Variants in RAB44 observed in about 807,000 individuals in gnomAD.
The protein encoded by RAB44 is ras-related protein Rab-44.
In RAB44, 67 loss-of-function variants were observed where a neutral mutation model predicts 93.3. The observed-to-expected ratio is 0.72, with a 90% confidence interval of 0.59 to 0.88. The LOEUF (loss-of-function observed/expected upper bound fraction) is 0.88, where lower values mean the gene tolerates loss of function less well. RAB44 is among the 40% of genes least tolerant of loss of function. The pLI is 0.00. For synonymous variants in RAB44, 427 were observed against 520.3 expected (o/e 0.82, Z 2.44); for missense variants, 1,064 against 1,261.7 (o/e 0.84, Z 2.37).
rs1306963107 is a variant in RAB44, at chr6:36,731,791, C to G, written c.2976-212C>G. Reference sequence around the variant, plus strand: ...GTGGCTTCTTTGTCATAGTCAGAGTCCTGCACAGTGCCTGGCACATAGTAG... The same window carrying G: ...GTGGCTTCTTTGTCATAGTCAGAGTGCTGCACAGTGCCTGGCACATAGTAG... On this transcript the variant is annotated intron_variant, in intron 13 of 13. Transcript: ENST00000612677. This position sits in a 1 kb window ranked among gnomAD's most constrained non-coding sequence, Gnocchi z 4.0. 6.6e-6 allele frequency among the ~76,000 whole-genome samples: 1 copy of G among 152,194 alleles called. No individual in the cohort carries two copies. The highest frequency in any genetic ancestry group is 1.5e-5 in the Non-Finnish European group (1 of 68,036).
chr6:36,718,992 C>G (rs1763000948), intron 7 of RAB44, among the ~76,000 whole-genome samples: 1 of 151,980 alleles, frequency 6.6e-6, no homozygotes, highest in Non-Finnish European at 1.5e-5. Flanking sequence ...GCAAGCTCCG[C>G]CTCAGTTCAC....
intron 8 of RAB44, 99 bp downstream of exon 8, chr6:36,720,649 C>T (rs1763051348): frequency 3.4e-6 from 3 of 874,406 alleles, no homozygotes; most frequent in Non-Finnish European, 3.0e-6. Flanking sequence ...GCACACAGTG[C>T]ACACATAGAC....
rs201591571 is a variant in RAB44 at position 36,726,819 on chromosome 6, G to A, written c.2682-758G>A. Among the ~76,000 whole-genome samples, 12 of 94,844 alleles carry A rather than the reference G, an allele frequency of 1.3e-4. No homozygotes were observed. The East Asian group carries it at 3.4e-3, about 26-fold the overall frequency. The allele number at this position is 94,844 out of a possible 152,430, so 62.2% of individuals were successfully genotyped here. On this transcript the variant is annotated intron_variant, in intron 10 of 13. Transcript: ENST00000612677. ...TAATAGGGATTTTTTTTTTTTTTTT[G>A]AGACAGAGTCTTGCTCTGTCACCCA... is the stretch of plus-strand genomic sequence containing the variant.
intron 2 of RAB44, among the ~76,000 whole-genome samples, chr6:36,706,694 T>C (rs909489476): frequency 2.6e-5 from 4 of 152,194 alleles, no homozygotes; most frequent in African/African-American, 4.8e-5. Flanking sequence ...CAAATAATTA[T>C]ATTGCCATAG....
At chr6:36,726,003 G>T (rs1763230275) in intron 10 of RAB44, 60 bp downstream of exon 10, 3 of 1,329,914 alleles carry the variant, frequency 2.3e-6, no homozygotes, top group Non-Finnish European at 3.2e-6. Flanking sequence ...GGTGCAGAGG[G>T]ACAGGGAGCA....
In RAB44 at chr6:36,711,243, G is replaced by T. The variant is rs191636878; in HGVS notation, c.208-2585G>T. 3.7e-4 allele frequency among the ~76,000 whole-genome samples: 56 copies of T among 152,060 alleles called. 1 individual carries two copies. Among genetic ancestry groups the T allele is most frequent in the Admixed American group, 3.2e-3 (49 of 15,276 alleles). On this transcript the variant is annotated intron_variant, in intron 2 of 13. Coordinates refer to ENST00000612677, the MANE Select transcript of RAB44 (RefSeq NM_001257357.2). Reference sequence around the variant, plus strand: ...GTTAGAGTAATTAATCAATTTAGTGGGGCACAAATTTACATGTTTATAATC... The same window carrying T: ...GTTAGAGTAATTAATCAATTTAGTGTGGCACAAATTTACATGTTTATAATC...
intron 9 of RAB44, 98 bp from the exon 10 acceptor site, chr6:36,725,764 C>G: frequency 1.2e-6 from 1 of 804,542 alleles, no homozygotes; most frequent in Non-Finnish European, 2.1e-6. Context: ...TCCATCGCAC[C>G]GCAGCTGGTA....
rs182546572 is a variant in RAB44, at chr6:36,715,429, G to A, written c.320-50G>A. On this transcript the variant is annotated intron_variant, in intron 3 of 13. Coordinates refer to ENST00000612677, the MANE Select transcript of RAB44 (RefSeq NM_001257357.2). The stretch of plus-strand genomic sequence containing the variant: ...ACCAGGGCTGGGTGGGAGGCCAGGC[G>A]TCTGGGCCCAACACCACTGTGCTCC... 3.5e-4 allele frequency: 526 copies of A among 1,517,088 alleles called. 1 individual carries two copies. Among genetic ancestry groups the A allele is most frequent in the Admixed American group, 1.2e-3 (59 of 50,394 alleles). 94.0% of individuals were successfully genotyped at this position (1,517,088 alleles called of 1,614,324 possible). A position where few individuals can be genotyped will look rare whatever the true frequency, so the allele number is the denominator to read the frequency against.
intron 10 of RAB44, 67 bp from the exon 11 acceptor site, chr6:36,727,510 C>A: frequency 9.4e-7 from 1 of 1,059,620 alleles, no homozygotes. Flanking sequence ...TTACTTCTCC[C>A]ACTTTGCAGA....
rs1053994450 is a variant in RAB44 at position 36,697,913 on chromosome 6, G to A, written c.-15G>A. 3.9e-5 allele frequency: 6 copies of A among 152,352 alleles called. No individual in the cohort carries two copies. The highest frequency in any genetic ancestry group is 1.4e-4 in the African/African-American group (6 of 41,468). 9.4% of individuals were successfully genotyped at this position (152,352 alleles called of 1,614,324 possible). A position where few individuals can be genotyped will look rare whatever the true frequency, so the allele number is the denominator to read the frequency against. ...TGTGTGTTCCACTGGGAGCCTTTGA[G>A]AGGTAGGAGCCATCCCAAGGTTGCA... On this transcript the variant is annotated splice_region_variant and 5_prime_UTR_variant, in exon 1 of 14. Transcript: ENST00000612677.
Position 36,718,118 on chromosome 6 carries a change from G to T in RAB44, c.732G>T (p.Glu244Asp), listed in dbSNP as rs987407113. Reference protein sequence around the residue: ...IRQEKQQLQAESDSRGLALTS... With the variant: ...IRQEKQQLQADSDSRGLALTS... ...AGGAGAAGCAGCAGCTGCAGGCTGAGGTGGGCTCCCGCCGGCAGCCTGCCT... is the reference window on the plus strand; with the variant it reads ...AGGAGAAGCAGCAGCTGCAGGCTGATGTGGGCTCCCGCCGGCAGCCTGCCT... Residue 244 changes from glutamate to aspartate, a missense_variant and splice_region_variant, in exon 6 of 14, where the codon GAG becomes GAT. Transcript: ENST00000612677. The T allele has an allele frequency of 2.4e-6, 3 of 1,232,266 alleles. No individual in the cohort carries two copies. The highest frequency in any genetic ancestry group is 3.0e-6 in the Non-Finnish European group (3 of 988,112). The allele number at this position is 1,232,266 out of a possible 1,614,324, so 76.3% of individuals were successfully genotyped here.
At chr6:36,715,950 G>A (rs1372045262) in intron 4 of RAB44, among the ~76,000 whole-genome samples, 1 of 152,186 alleles carries the variant, frequency 6.6e-6, no homozygotes, top group South Asian at 2.1e-4. Flanking sequence ...GCCCTGTAGG[G>A]TCACTCTCCA....
intron 9 of RAB44, among the ~76,000 whole-genome samples, chr6:36,723,768 G>T (rs1763158305): frequency 6.7e-6 from 1 of 148,406 alleles, no homozygotes; most frequent in Non-Finnish European, 1.5e-5. Flanking sequence ...CCAGGAGGCG[G>T]TGCTTGCAGT....
chr6:36,700,098 T>C (rs1054186129), intron 1 of RAB44, among the ~76,000 whole-genome samples: 11 of 152,148 alleles, frequency 7.2e-5, no homozygotes, highest in African/African-American at 2.4e-4. Context: ...AGGTGACAAG[T>C]GCTAAGAGAA....
In RAB44 at chr6:36,722,392, G is replaced by A; in HGVS notation, c.2258G>A (p.Gly753Glu). The A allele has an allele frequency of 7.2e-7, 1 of 1,380,652 alleles. No homozygotes were observed. The highest frequency in any genetic ancestry group is 9.4e-7 in the Non-Finnish European group (1 of 1,069,320). The allele number at this position is 1,380,652 out of a possible 1,614,324, so 85.5% of individuals were successfully genotyped here. A position where few individuals can be genotyped will look rare whatever the true frequency, so the allele number is the denominator to read the frequency against. ...TCTCCTCCCAGGGGGGCTCAGCCTGGGGCTGGAGCAGGACCCCAGGAACCC... is the reference window on the plus strand; with the variant it reads ...TCTCCTCCCAGGGGGGCTCAGCCTGAGGCTGGAGCAGGACCCCAGGAACCC... ...RGSPPRGAQP[G>E]AGAGPQEPTQ... The change falls in exon 9 of 14, where the codon GGG becomes GAG. Residue 753 changes from glycine (G) to glutamate (E), a missense_variant. Physicochemically the swap from Gly to Glu is moderately conservative, Grantham distance 98. Transcript: ENST00000612677.
In RAB44 at chr6:36,732,027, C is replaced by A; in HGVS notation, c.3000C>A (p.Gly1000=). 7 of 1,234,424 alleles carry A rather than the reference C, an allele frequency of 5.7e-6. No individual in the cohort carries two copies. The highest frequency in any genetic ancestry group is 5.1e-6 in the Non-Finnish European group (5 of 988,260). The allele number at this position is 1,234,424 out of a possible 1,614,324, so 76.5% of individuals were successfully genotyped here. A position where few individuals can be genotyped will look rare whatever the true frequency, so the allele number is the denominator to read the frequency against. The part of the protein sequence containing the change: ...LARSLRMQEE[G]LKDSLVKVAP... ...GGTCACTCAGGATGCAAGAAGAAGG[C>A]CTGAAGGACTCGCTGGTGAAGGTGG... The change falls in exon 14 of 14, where the codon GGC becomes GGA. Residue 1000 remains glycine (G), a synonymous_variant. Coordinates refer to ENST00000612677, the MANE Select transcript of RAB44 (RefSeq NM_001257357.2).
intron 1 of RAB44, among the ~76,000 whole-genome samples, chr6:36,703,935 T>G (rs1482437200): frequency 6.6e-6 from 1 of 152,058 alleles, no homozygotes. Context: ...CGGAGAAGAC[T>G]TTGATAGTTG....
Position 36,721,290 on chromosome 6 carries a change from C to A in RAB44, c.1156C>A (p.Gln386Lys), listed in dbSNP as rs1310717853. ...TGGCAGCCCTCCGCACGGAGCCCTGCAGCTCTGCTGGAGCCCGCCCCCGAC... is the reference window on the plus strand; with the variant it reads ...TGGCAGCCCTCCGCACGGAGCCCTGAAGCTCTGCTGGAGCCCGCCCCCGAC... ...NFGSPPHGALQLCWSPPPTPR... is the reference protein window; with the variant it reads ...NFGSPPHGALKLCWSPPPTPR... Residue 386 changes from glutamine (Q) to lysine (K), a missense_variant, in exon 9 of 14, where the codon CAG becomes AAG. Transcript: ENST00000612677. The A allele has an allele frequency of 3.2e-6, 4 of 1,234,212 alleles. No individual in the cohort carries two copies. The highest frequency in any genetic ancestry group is 1.6e-5 in the African/African-American group (1 of 64,484). 76.5% of individuals were successfully genotyped at this position (1,234,212 alleles called of 1,614,324 possible).
At chr6:36,719,882 C>A (rs527715550) in intron 7 of RAB44, among the ~76,000 whole-genome samples, 2 of 152,146 alleles carry the variant, frequency 1.3e-5, no homozygotes, top group African/African-American at 2.4e-5. Context: ...AGGTGAGGGT[C>A]ATGAGGGGAG....
Sources: allele counts gnomAD v4.1 joint callset (sites outside exome capture counted in the v4.1 genomes callset), GRCh38; gene constraint gnomAD v4.1.1; non-coding constraint Gnocchi (gnomAD v3.1); transcripts MANE v1.5; gene names NCBI Gene and HGNC (gene_info 2026-07-23, HGNC 2026-07-21).